CFAP299: variants seen among roughly 807,000 people sequenced by gnomAD.
The protein encoded by CFAP299 is cilia- and flagella-associated protein 299.
In CFAP299, 21 loss-of-function variants were observed where a neutral mutation model predicts 27.0. The observed-to-expected ratio is 0.78, with a 90% CI of 0.55 to 1.12. The LOEUF is 1.12. Among genes scored for constraint, CFAP299 ranks in the 50% most tolerant of loss-of-function variants. The probability of loss-of-function intolerance (pLI) is 0.00; values close to 1 mark genes in which losing one functional copy is unlikely to be tolerated. For missense variants in CFAP299, 310 were observed against 276.6 expected (o/e 1.12, Z -0.86); for synonymous variants, 104 against 98.1 (o/e 1.06, Z -0.36).
chr4:80,396,477 A>G (rs1725802923), intron 2 of CFAP299, among the ~76,000 whole-genome samples: 3 of 152,160 alleles, frequency 2.0e-5, no homozygotes, highest in Non-Finnish European at 2.9e-5. Context: ...ACATTTGTAC[A>G]GTGTATTTTA....
At chr4:80,652,764 C>T (rs1379261258) in intron 3 of CFAP299, among the ~76,000 whole-genome samples, 2 of 152,050 alleles carry the variant, frequency 1.3e-5, no homozygotes, top group East Asian at 3.9e-4. Context: ...CTCTCTGGTG[C>T]TTAGCCCTCC....
At chr4:80,364,746 T>G (rs976958567) in intron 2 of CFAP299, among the ~76,000 whole-genome samples, 15 of 152,200 alleles carry the variant, frequency 9.9e-5, no homozygotes, top group Non-Finnish European at 4.4e-5. Context: ...CTGATGCTCT[T>G]GCTTCAACCA....
chr4:80,485,024 T>C (rs1450806595), intron 2 of CFAP299, among the ~76,000 whole-genome samples: 1 of 152,068 alleles, frequency 6.6e-6, no homozygotes, highest in Non-Finnish European at 1.5e-5. Context: ...TTAAGGCCAT[T>C]AAGAGAAAGA....
chr4:80,724,753 G>A (rs1486013033), intron 3 of CFAP299, among the ~76,000 whole-genome samples: 1 of 151,844 alleles, frequency 6.6e-6, no homozygotes, highest in Non-Finnish European at 1.5e-5. Flanking sequence ...ATTTCCTAAT[G>A]AATATTTCTT....
At chr4:80,455,191 C>G (rs1425046467) in intron 2 of CFAP299, among the ~76,000 whole-genome samples, 2 of 152,098 alleles carry the variant, frequency 1.3e-5, no homozygotes, top group African/African-American at 4.8e-5. Flanking sequence ...GGTCCCCAGG[C>G]AAGAAGGGGG....
At chr4:80,945,249 A>C (rs1294488749) in intron 5 of CFAP299, among the ~76,000 whole-genome samples, 1 of 152,198 alleles carries the variant, frequency 6.6e-6, no homozygotes, top group Non-Finnish European at 1.5e-5. Context: ...CCGATCCTGC[A>C]GATGTCCAGC....
At chr4:80,325,488 C>A in the CFAP299 span, among the ~76,000 whole-genome samples, 4 of 152,288 alleles carry the variant, frequency 2.6e-5, no homozygotes, top group African/African-American at 9.6e-5. Context: ...CCCATCTTAT[C>A]CGTTTTTGCA....
At chr4:80,345,733 A>G (rs1009591098) in intron 1 of CFAP299, among the ~76,000 whole-genome samples, 2 of 152,156 alleles carry the variant, frequency 1.3e-5, no homozygotes, top group Non-Finnish European at 2.9e-5. Context: ...CACAATAAAC[A>G]TATGTGTGCA....
intron 2 of CFAP299, among the ~76,000 whole-genome samples, chr4:80,482,599 A>G (rs977709485): frequency 6.6e-6 from 1 of 152,138 alleles, no homozygotes. Context: ...TAGCATTACT[A>G]TATTGTTTTC....
intron 4 of CFAP299, among the ~76,000 whole-genome samples, chr4:80,895,658 T>G (rs1734577204): frequency 6.6e-6 from 1 of 152,010 alleles, no homozygotes; most frequent in South Asian, 2.1e-4. Context: ...GTACCAATGA[T>G]AACTGTCCCA....
intron 3 of CFAP299, among the ~76,000 whole-genome samples, chr4:80,628,451 C>G (rs1011447183): frequency 6.6e-6 from 1 of 152,008 alleles, no homozygotes; most frequent in South Asian, 2.1e-4. Flanking sequence ...GACCCCAAAG[C>G]ACAGGCAACA....
intron 2 of CFAP299, 67 bp downstream of exon 2, chr4:80,362,951 G>T: frequency 4.7e-6 from 7 of 1,482,192 alleles, no homozygotes; most frequent in Middle Eastern, 1.8e-4. Flanking sequence ...ATTCAATTTC[G>T]TTTGCATTGT....
intron 2 of CFAP299, among the ~76,000 whole-genome samples, chr4:80,536,801 G>C (rs1244040579): frequency 6.6e-6 from 1 of 151,938 alleles, no homozygotes; most frequent in Non-Finnish European, 1.5e-5. Flanking sequence ...CATTGGTCTG[G>C]GCAATGAATT....
At chr4:80,433,070 T>C (rs1301761662) in intron 2 of CFAP299, among the ~76,000 whole-genome samples, 2 of 152,214 alleles carry the variant, frequency 1.3e-5, no homozygotes, top group Non-Finnish European at 2.9e-5. Context: ...CTGTTCTTGA[T>C]GTGGCATGGC....
chr4:80,817,863 G>T, intron 3 of CFAP299, among the ~76,000 whole-genome samples: 1 of 150,996 alleles, frequency 6.6e-6, no homozygotes. Flanking sequence ...TAAGTTCAGA[G>T]GTACATGTGC....
At chr4:80,697,846 G>A (rs186286884) in intron 3 of CFAP299, among the ~76,000 whole-genome samples, 31 of 152,270 alleles carry the variant, frequency 2.0e-4, no homozygotes, top group East Asian at 1.7e-3. Context: ...AAGTGACACC[G>A]AAGATAATTT....
chr4:80,483,334 T>C (rs1303595152), intron 2 of CFAP299, among the ~76,000 whole-genome samples: 2 of 152,242 alleles, frequency 1.3e-5, no homozygotes, highest in African/African-American at 2.4e-5. Flanking sequence ...AAGTTGGTGG[T>C]AATTTATTAT....
chr4:80,776,097 G>C (rs1726523116), intron 3 of CFAP299, among the ~76,000 whole-genome samples: 1 of 152,140 alleles, frequency 6.6e-6, no homozygotes, highest in Non-Finnish European at 1.5e-5. Context: ...TAATTAAAAG[G>C]TGGAATTAGT....
At chr4:80,616,451 A>G (rs1473706687) in intron 3 of CFAP299, among the ~76,000 whole-genome samples, 4 of 151,982 alleles carry the variant, frequency 2.6e-5, no homozygotes, top group Non-Finnish European at 5.9e-5. Flanking sequence ...ATATACATAA[A>G]TAATACCCCC....
Sources: allele counts gnomAD v4.1 joint callset (sites outside exome capture counted in the v4.1 genomes callset), GRCh38; gene constraint gnomAD v4.1.1; transcripts MANE v1.5; gene names NCBI Gene and HGNC (gene_info 2026-07-23, HGNC 2026-07-21).